CHKB: variants seen among roughly 807,000 people sequenced by gnomAD.
The protein encoded by CHKB is choline kinase beta.
A neutral mutation model predicts 57.3 loss-of-function variants in CHKB; 45 were observed. The observed-to-expected ratio is 0.79, with a 90% CI of 0.62 to 1.01. The LOEUF (loss-of-function observed/expected upper bound fraction) is 1.01. CHKB is among the 50% of genes least tolerant of loss of function. CHKB has a pLI of 0.00. For synonymous variants in CHKB, 224 were observed against 201.8 expected (o/e 1.11, Z -0.93); for missense variants, 517 against 502.8 (o/e 1.03, Z -0.27).
Position 50,582,283 on chromosome 22 carries a change from T to C in CHKB, c.299A>G (p.Glu100Gly). 2 of 1,594,258 alleles carry C rather than the reference T, an allele frequency of 1.3e-6. No homozygotes were observed. Among genetic ancestry groups the C allele is most frequent in the Non-Finnish European group, 1.7e-6 (2 of 1,172,708 alleles). Residue 100 changes from glutamate to glycine, a missense_variant, in exon 2 of 11, where the codon GAG becomes GGG. Glu to Gly is a moderately conservative substitution (Grantham distance 98). Coordinates refer to ENST00000406938, the MANE Select transcript of CHKB (RefSeq NM_005198.5). ...HLPSVGEEPR[E>G]VLLRLYGAIL... ...GGCTCCGTACAGCCGCAGAAGCACC[T>C]CCCGGGGCTCCTCGCCAACGCTGGG...
chr22:50,579,146 G>T lies in CHKB; in HGVS notation c.*35C>A, dbSNP rs1204628601. On this transcript the variant is annotated 3_prime_UTR_variant, in exon 11 of 11. Transcript: ENST00000406938. ...CTCCCTCCAAGGTCCTGCCCTGGAG[G>T]CTCCAGGAGAAATCCAAGGAGTGGG... is the stretch of plus-strand genomic sequence containing the variant. 1.3e-6 allele frequency: 2 copies of T among 1,587,164 alleles called. No homozygotes were observed. The highest frequency in any genetic ancestry group is 2.7e-5 in the African/African-American group (2 of 74,468).
rs555772646 is a variant in CHKB, at chr22:50,580,334, G to A, written c.736+24C>T. On this transcript the variant is annotated intron_variant, in intron 6 of 10. Transcript: ENST00000406938. ...CCTCTGGCTCTTCCATCTTGGGTTA[G>A]GAGACTCAGATGCCTTCTCCTACCT... 22 of 1,614,028 alleles carry A rather than the reference G, an allele frequency of 1.4e-5. No individual in the cohort carries two copies. In the South Asian group the frequency reaches 1.4e-4, roughly 10 times the overall value.
Position 50,580,098 on chromosome 22 carries a change from G to A in CHKB, c.819-16C>T, listed in dbSNP as rs1287977962. Reference sequence around the variant, plus strand: ...GTCAAAGCCCCTGGGAGAATAAGGTGGACATTCAGTCCCCAAATGCCCTGG... The same window carrying A: ...GTCAAAGCCCCTGGGAGAATAAGGTAGACATTCAGTCCCCAAATGCCCTGG... On this transcript the variant is annotated splice_polypyrimidine_tract_variant and intron_variant, in intron 7 of 10. Coordinates refer to ENST00000406938, the MANE Select transcript of CHKB (RefSeq NM_005198.5). 3.7e-6 allele frequency: 6 copies of A among 1,613,340 alleles called. No individual in the cohort carries two copies. The highest frequency in any genetic ancestry group is 5.1e-6 in the Non-Finnish European group (6 of 1,179,584).
intron 4 of CHKB, among the ~76,000 whole-genome samples, chr22:50,581,115 T>C (rs2070682115): frequency 6.6e-6 from 1 of 151,840 alleles, no homozygotes; most frequent in African/African-American, 2.4e-5. Context: ...TTTTGTTTGG[T>C]GTTTTGAGAC....
intron 6 of CHKB, 24 bp from the exon 7 acceptor site, chr22:50,580,295 G>A: frequency 6.2e-7 from 1 of 1,613,284 alleles, no homozygotes; most frequent in Admixed American, 1.7e-5. Flanking sequence ...GTGAGGTTCT[G>A]CTCACTCCAG....
At chr22:50,580,926 CA>C (rs2146655240) in intron 4 of CHKB, 1 of 461,514 alleles carries the variant, frequency 2.2e-6, no homozygotes, top group East Asian at 4.4e-5. Flanking sequence ...ACTACAGGTG[CA>C]TGCTGCCATG....
chr22:50,582,698 G>T lies in CHKB; in HGVS notation c.84C>A (p.Cys28Ter). 6.2e-7 allele frequency: 1 copy of T among 1,610,100 alleles called. No homozygotes were observed. Reference protein sequence around the residue: ...LAKDGLQQSKCPDTTPKRRRA... With the variant: ...LAKDGLQQSK The stretch of plus-strand genomic sequence containing the variant: ...GCCGCCGTTTTGGGGTAGTGTCCGG[G>T]CACTTAGACTGCTGCAAGCCGTCTT... The change falls in exon 1 of 11, where the codon TGC becomes TGA. Residue 28 changes from cysteine (C) to a stop codon, truncating the protein, a stop_gained. Transcript: ENST00000406938. LOFTEE classifies it high-confidence loss of function.
chr22:50,579,546 A>G (rs1372864593), intron 9 of CHKB, 39 bp from the exon 10 acceptor site: 2 of 1,606,164 alleles, frequency 1.2e-6, no homozygotes, highest in Non-Finnish European at 8.5e-7. Flanking sequence ...ATTCAAGAGC[A>G]TGTCTAGCAC....
intron 10 of CHKB, 25 bp from the exon 11 acceptor site, chr22:50,579,280 CAG>C: frequency 1.2e-6 from 2 of 1,611,612 alleles, no homozygotes; most frequent in Non-Finnish European, 1.7e-6. Context: ...CCACCCCACA[CAG>C]TGGTGAGAAG....
rs180979987 is a variant in CHKB, at chr22:50,582,333, G to A, written c.249C>T (p.Phe83=). 4,825 of 1,574,022 alleles carry A rather than the reference G, an allele frequency of 3.1e-3. 8 individuals carry two copies. Among genetic ancestry groups the A allele is most frequent in the Non-Finnish European group, 4.0e-3 (4,627 of 1,162,420 alleles). The change falls in exon 2 of 11, where the codon TTC becomes TTT. Residue 83 remains phenylalanine (F), a synonymous_variant. Coordinates refer to ENST00000406938, the MANE Select transcript of CHKB (RefSeq NM_005198.5). The stretch of plus-strand genomic sequence containing the variant: ...GCAGGTGGTCCGGGAGCGAGCAGCG[G>A]AAGAGCAGGTTGCTGAGGCCTCCGC... The part of the protein sequence containing the change: ...PVSGGLSNLL[F]RCSLPDHLPS...
rs1216552341 is a variant in CHKB, at chr22:50,579,129, A to C, written c.*52T>G. 1 of 1,565,078 alleles carries C rather than the reference A, an allele frequency of 6.4e-7. No individual in the cohort carries two copies. The highest frequency in any genetic ancestry group is 1.4e-5 in the African/African-American group (1 of 73,656). ...CCTTCTGCTCGTTGTTCCTCCCTCC[A>C]AGGTCCTGCCCTGGAGGCTCCAGGA... is the stretch of plus-strand genomic sequence containing the variant. On this transcript the variant is annotated 3_prime_UTR_variant, in exon 11 of 11. Coordinates refer to ENST00000406938, the MANE Select transcript of CHKB (RefSeq NM_005198.5).
Position 50,582,797 on chromosome 22 carries a change from G to GCCA in CHKB, c.-17_-16insTGG. 1 of 1,550,018 alleles carries GCCA rather than the reference G, an allele frequency of 6.5e-7. No homozygotes were observed. The highest frequency in any genetic ancestry group is 8.7e-7 in the Non-Finnish European group (1 of 1,149,646). ...CGGCCGCCATGGCGCGGGCTCGACC[G>GCCA]GGCCCCAGGCCAGGCTGCGCTCCGC... On this transcript the variant is annotated 5_prime_UTR_variant, in exon 1 of 11. Coordinates refer to ENST00000406938, the MANE Select transcript of CHKB (RefSeq NM_005198.5).
At position 50,582,591 on chromosome 22, in the gene CHKB, A is replaced by C. The variant is rs1438114406; in HGVS notation, c.191T>G (p.Val64Gly). Residue 64 changes from valine to glycine, a missense_variant, in exon 1 of 11, where the codon GTG becomes GGG. Val to Gly is a moderately radical substitution (Grantham distance 109). Coordinates refer to ENST00000406938, the MANE Select transcript of CHKB (RefSeq NM_005198.5). The stretch of plus-strand genomic sequence containing the variant: ...GTAAACCCTCAGCTCCTCGGGCTGC[A>C]CTCGGCGCCAGGCCCCGCCCAAGTA... Reference protein sequence around the residue: ...REYLGGAWRRVQPEELRVYPV... With the variant: ...REYLGGAWRRGQPEELRVYPV... 4 of 1,610,344 alleles carry C rather than the reference A, an allele frequency of 2.5e-6. No individual in the cohort carries two copies. In the South Asian group the frequency reaches 3.3e-5, roughly 13 times the overall value.
Sources: gnomAD v4.1 joint callset for allele counts (sites outside exome capture counted in the v4.1 genomes callset) on GRCh38, gnomAD v4.1.1 for gene constraint, MANE v1.5 for transcripts, NCBI Gene and HGNC (gene_info 2026-07-23, HGNC 2026-07-21) for gene names.